Variants in WWOX observed in about 807,000 individuals in gnomAD.
WWOX encodes WW domain containing oxidoreductase, also known as WW domain-containing oxidoreductase.
WWOX carries 69 observed loss-of-function variants against 46.2 expected under a neutral mutation model. The ratio of observed to expected loss-of-function variants is 1.49; its 90% CI spans 1.23 to 1.82. The LOEUF is 1.82. WWOX is among the 40% of genes most tolerant of loss of function. The pLI is 0.00. For synonymous variants in WWOX, 359 were observed against 202.6 expected, an observed-to-expected ratio of 1.77 and a Z score of -6.56; for missense variants, 919 against 542.6, an observed-to-expected ratio of 1.69 and a Z score of -6.89.
At chr16:78,438,459 C>CT (rs61198259) in intron 8 of WWOX, among the ~76,000 whole-genome samples, 20,028 of 149,636 alleles carry the variant, frequency 0.13, 2,564 homozygotes, top group African/African-American at 0.33. Flanking sequence ...CCAACCCCAC[C>CT]TTTTTTTTTT....
chr16:78,918,122 C>T (rs1450721467), intron 8 of WWOX, among the ~76,000 whole-genome samples: 1 of 151,914 alleles, frequency 6.6e-6, no homozygotes, highest in East Asian at 1.9e-4. Context: ...GGATAGGAGG[C>T]TGAGGTGGGA....
chr16:79,099,340 C>CACATTTCTTTTTGTAAA (rs1465249877), intron 8 of WWOX, among the ~76,000 whole-genome samples: 5 of 152,164 alleles, frequency 3.3e-5, no homozygotes, highest in Non-Finnish European at 7.3e-5. Flanking sequence ...TTTCACATTT[C>CACATTTCTTTTTGTAAA]TCTTTACAAA....
intron 8 of WWOX, among the ~76,000 whole-genome samples, chr16:78,599,039 A>C (rs147869431): frequency 1.3e-5 from 2 of 152,100 alleles, no homozygotes; most frequent in East Asian, 1.9e-4. Context: ...TGAACAATCA[A>C]ACTGGACTTT....
chr16:78,175,177 G>C (rs1253916688), intron 5 of WWOX, among the ~76,000 whole-genome samples: 10 of 151,966 alleles, frequency 6.6e-5, no homozygotes, highest in Admixed American at 6.6e-4. Context: ...ACAGGTTCTG[G>C]AGTTAATGCT....
At chr16:78,724,798 G>A (rs1293256113) in intron 8 of WWOX, among the ~76,000 whole-genome samples, 1 of 152,090 alleles carries the variant, frequency 6.6e-6, no homozygotes, top group Non-Finnish European at 1.5e-5. Flanking sequence ...ATTTGATGAA[G>A]TTGTGTGTGT....
intron 8 of WWOX, among the ~76,000 whole-genome samples, chr16:78,749,402 A>G (rs1007654441): frequency 6.6e-5 from 10 of 152,330 alleles, no homozygotes; most frequent in Non-Finnish European, 8.8e-5. Flanking sequence ...TAAAATTACC[A>G]TTTTAATAAT....
At chr16:79,096,023 T>TTTTG (rs2049064205) in intron 8 of WWOX, among the ~76,000 whole-genome samples, 1 of 124,634 alleles carries the variant, frequency 8.0e-6, no homozygotes, top group Non-Finnish European at 1.8e-5. Flanking sequence ...ATAATTTTTT[T>TTTTG]TTTTTTTTTT....
intron 8 of WWOX, among the ~76,000 whole-genome samples, chr16:78,658,112 T>C (rs1162532716): frequency 6.6e-6 from 1 of 152,294 alleles, no homozygotes; most frequent in South Asian, 2.1e-4. Context: ...ACCCACTAGA[T>C]GCCAGTAGCA....
intron 8 of WWOX, among the ~76,000 whole-genome samples, chr16:78,701,817 G>T (rs767437011): frequency 6.6e-6 from 1 of 151,618 alleles, no homozygotes; most frequent in Non-Finnish European, 1.5e-5. Context: ...CACATCTTGA[G>T]TTTCTCTCCA....
intron 8 of WWOX, among the ~76,000 whole-genome samples, chr16:78,673,361 G>A (rs1477806002): frequency 6.6e-6 from 1 of 152,068 alleles, no homozygotes. Context: ...GAAACTCTTC[G>A]CCTCTCTAAC....
At chr16:78,427,171 A>G (rs1208748833) in intron 7 of WWOX, among the ~76,000 whole-genome samples, 2 of 152,100 alleles carry the variant, frequency 1.3e-5, no homozygotes, top group African/African-American at 4.8e-5. Context: ...AATTACCTCC[A>G]TCAACCTTGG....
intron 8 of WWOX, among the ~76,000 whole-genome samples, chr16:78,750,740 C>A (rs376976990): frequency 6.6e-6 from 1 of 152,078 alleles, no homozygotes; most frequent in African/African-American, 2.4e-5. Flanking sequence ...TAAGAACATG[C>A]GGTATTTGGT....
At chr16:78,554,454 C>T (rs1047837481) in intron 8 of WWOX, among the ~76,000 whole-genome samples, 5 of 152,256 alleles carry the variant, frequency 3.3e-5, no homozygotes, top group Middle Eastern at 3.4e-3. Context: ...CATATGAAAA[C>T]AGTTCTGGCT....
chr16:78,867,461 A>C (rs766543289), intron 8 of WWOX, among the ~76,000 whole-genome samples: 5 of 151,436 alleles, frequency 3.3e-5, no homozygotes, highest in African/African-American at 4.9e-5. Flanking sequence ...GGGGAATCTG[A>C]GACTCAGAGA....
intron 4 of WWOX, among the ~76,000 whole-genome samples, chr16:78,139,128 T>G (rs1251946078): frequency 2.0e-5 from 3 of 152,134 alleles, no homozygotes; most frequent in African/African-American, 7.2e-5. Flanking sequence ...GGAGCAACCC[T>G]TAAAGGAAGA....
intron 8 of WWOX, among the ~76,000 whole-genome samples, chr16:78,467,147 A>C (rs1009308419): frequency 1.3e-5 from 2 of 152,212 alleles, no homozygotes; most frequent in Non-Finnish European, 2.9e-5. Context: ...TTCAAAGCCA[A>C]AGATTCCATT....
chr16:78,972,941 A>C (rs1415786035), intron 8 of WWOX, among the ~76,000 whole-genome samples: 2 of 152,306 alleles, frequency 1.3e-5, no homozygotes, highest in East Asian at 3.9e-4. Flanking sequence ...TGAGTAATTG[A>C]CAAAAACTGC....
intron 5 of WWOX, among the ~76,000 whole-genome samples, chr16:78,359,763 C>A (rs946014491): frequency 6.6e-6 from 1 of 152,210 alleles, no homozygotes; most frequent in East Asian, 1.9e-4. Flanking sequence ...TTGAGAAGCT[C>A]ATAATTCGGT....
intron 5 of WWOX, among the ~76,000 whole-genome samples, chr16:78,272,453 C>G (rs73572419): frequency 1.3e-5 from 2 of 152,160 alleles, no homozygotes; most frequent in Non-Finnish European, 2.9e-5. Context: ...TATGGCCTGG[C>G]TTAGGGGTTG....
Sources: allele counts gnomAD v4.1 joint callset (sites outside exome capture counted in the v4.1 genomes callset), GRCh38; gene constraint gnomAD v4.1.1; transcripts MANE v1.5; gene names NCBI Gene and HGNC (gene_info 2026-07-23, HGNC 2026-07-21).